The following SLC36A2 variants were observed in gnomAD, a reference collection of about 807,000 sequenced individuals.
The protein encoded by SLC36A2 is proton-coupled amino acid transporter 2.
SLC36A2 carries 39 observed loss-of-function variants against 42.7 expected under a neutral mutation model. The ratio of observed to expected loss-of-function variants is 0.91; its 90% CI spans 0.71 to 1.19. The LOEUF (loss-of-function observed/expected upper bound fraction) is 1.19. Ranked by LOEUF, SLC36A2 falls within the 50% of genes most tolerant of loss-of-function variation. The pLI is 0.00. For synonymous variants in SLC36A2, 237 were observed against 240.8 expected (o/e 0.98, Z 0.15); for missense variants, 590 against 613.7 (o/e 0.96, Z 0.41).
intron 1 of SLC36A2, among the ~76,000 whole-genome samples, chr5:151,346,421 G>T (rs1756498702): frequency 6.6e-6 from 1 of 151,980 alleles, no homozygotes; most frequent in Non-Finnish European, 1.5e-5. Flanking sequence ...CACATCCTCC[G>T]ATTTTGTTTC....
At position 151,316,703 on chromosome 5, in the gene SLC36A2, G is replaced by T; in HGVS notation, c.*114C>A. ...TGTGGTGAGCTGAGATCGCATCATT[G>T]TACTCCAGTCTGGGCAACAAGACAG... On this transcript the variant is annotated 3_prime_UTR_variant, in exon 10 of 10. Transcript: ENST00000335244. 1.6e-6 allele frequency: 2 copies of T among 1,282,190 alleles called. No individual in the cohort carries two copies. The allele number at this position is 1,282,190 out of a possible 1,614,324, so 79.4% of individuals were successfully genotyped here.
At chr5:151,319,170 G>A (rs1172540597) in intron 9 of SLC36A2, 25 of 968,936 alleles carry the variant, frequency 2.6e-5, no homozygotes, top group Non-Finnish European at 2.8e-5. Flanking sequence ...ATTCAGAAAA[G>A]TTATCTTTGC....
Position 151,342,916 on chromosome 5 carries a change from A to G in SLC36A2, c.412T>C (p.Trp138Arg), listed in dbSNP as rs1281861522. 1 of 1,614,164 alleles carries G rather than the reference A, an allele frequency of 6.2e-7. No homozygotes were observed. Among genetic ancestry groups the G allele is most frequent in the Non-Finnish European group, 8.5e-7 (1 of 1,180,006 alleles). The change falls in exon 4 of 10, where the codon TGG becomes CGG. Residue 138 changes from tryptophan (W) to arginine (R), a missense_variant. By Grantham distance (101) the Trp-to-Arg change is moderately radical (BLOSUM62 -3). Transcript: ENST00000335244. ...MHGLEANPNA[W>R]LQNHAHWGRH... ...CCCCAGTGAGCGTGATTCTGGAGCC[A>G]GGCGTTGGGGTTGGCTTCTAGTCCA...
At position 151,343,000 on chromosome 5, in the gene SLC36A2, A is replaced by G. The variant is rs1313625846; in HGVS notation, c.345-17T>C. On this transcript the variant is annotated splice_polypyrimidine_tract_variant and intron_variant, in intron 3 of 9. Transcript: ENST00000335244. ...TTGTTAAGCCTGCAGGAGAGAGTGC[A>G]TAAACGGTTTCCAAGAGATAGTTTA... 1.2e-6 allele frequency: 2 copies of G among 1,602,502 alleles called. No homozygotes were observed. The highest frequency in any genetic ancestry group is 1.7e-5 in the Admixed American group (1 of 59,976).
chr5:151,322,787 A>G (rs1272216212), intron 8 of SLC36A2, among the ~76,000 whole-genome samples: 23 of 152,310 alleles, frequency 1.5e-4, no homozygotes, highest in Non-Finnish European at 5.9e-5. Flanking sequence ...ATATAAGGAG[A>G]AACAGGGGTA....
At chr5:151,334,259 T>C (rs1373701512) in intron 6 of SLC36A2, among the ~76,000 whole-genome samples, 1 of 152,254 alleles carries the variant, frequency 6.6e-6, no homozygotes. Flanking sequence ...AATGTTTGAC[T>C]ATTATTTTTA....
chr5:151,340,161 A>C (rs1210917012), intron 4 of SLC36A2, among the ~76,000 whole-genome samples: 6 of 76,370 alleles, frequency 7.9e-5, no homozygotes, highest in Non-Finnish European at 1.3e-4. Context: ...AGGAGGAGGA[A>C]GAAGAGGAAG....
chr5:151,332,494 T>C, intron 7 of SLC36A2: 1 of 455,460 alleles, frequency 2.2e-6, no homozygotes, highest in South Asian at 1.6e-5. Flanking sequence ...GGTGCGTTGA[T>C]AAGCTGTGGT....
At position 151,315,477 on chromosome 5, in the gene SLC36A2, A is replaced by T. The variant is rs1462116876; in HGVS notation, c.*1340T>A. The stretch of plus-strand genomic sequence containing the variant: ...AACCCCATCTCTACGAAAAACAAAA[A>T]TTAGCCAGGCATAGTGGCAGGCACT... On this transcript the variant is annotated 3_prime_UTR_variant, in exon 10 of 10. Transcript: ENST00000335244. The T allele has an allele frequency of 1.3e-5, 2 of 152,224 alleles. No homozygotes were observed. Among genetic ancestry groups the T allele is most frequent in the Non-Finnish European group, 2.9e-5 (2 of 68,078 alleles). 9.4% of individuals were successfully genotyped at this position (152,224 alleles called of 1,614,324 possible).
chr5:151,340,155 G>A (rs1268664980), intron 4 of SLC36A2, among the ~76,000 whole-genome samples: 1 of 110,056 alleles, frequency 9.1e-6, no homozygotes, highest in African/African-American at 5.8e-5. Flanking sequence ...AGGAGAAGGA[G>A]GAGGAAGAAG....
chr5:151,344,028 A>C (rs1175223030), intron 2 of SLC36A2, 149 bp downstream of exon 2: 1 of 761,184 alleles, frequency 1.3e-6, no homozygotes, highest in African/African-American at 1.7e-5. Flanking sequence ...CCGGAACTCA[A>C]ACCCAGGCTA....
chr5:151,325,364 A>G lies in SLC36A2; in HGVS notation c.932T>C (p.Ile311Thr). 6.2e-7 allele frequency: 1 copy of G among 1,614,146 alleles called. No homozygotes were observed. The highest frequency in any genetic ancestry group is 8.5e-7 in the Non-Finnish European group (1 of 1,179,992). The change falls in exon 8 of 10, where the codon ATT (isoleucine) becomes ACT (threonine). Residue 311 changes from isoleucine (I) to threonine (T), a missense_variant. Coordinates refer to ENST00000335244, the MANE Select transcript of SLC36A2 (RefSeq NM_181776.3). Reference protein sequence around the residue: ...LGMSIVTSLYIGMAALGYLRF... With the variant: ...LGMSIVTSLYTGMAALGYLRF... ...CAGGTAGCCCAGAGCCGCCATGCCA[A>G]TGTATAGGGAAGTGACGATGGACAT... is the stretch of plus-strand genomic sequence containing the variant.
chr5:151,333,100 A>G lies in SLC36A2; in HGVS notation c.843+124T>C, dbSNP rs889726089. On this transcript the variant is annotated intron_variant, in intron 7 of 9. Transcript: ENST00000335244. ...GTAAGGCCAGAGGTTACTTTCTCCC[A>G]TGGGCATTTTCTAGCAGGCCCAAAA... 2.1e-5 allele frequency: 18 copies of G among 866,404 alleles called. No homozygotes were observed. In the African/African-American group the frequency reaches 2.5e-4, roughly 12 times the overall value. 53.7% of individuals were successfully genotyped at this position (866,404 alleles called of 1,614,324 possible).
At chr5:151,319,409 A>G in intron 9 of SLC36A2, 1 of 153,698 alleles carries the variant, frequency 6.5e-6, no homozygotes, top group South Asian at 1.9e-4. Context: ...GAAAAGTGAA[A>G]ATCAACAGCC....
rs1580839309 is a variant in SLC36A2 at position 151,316,890 on chromosome 5, TA to T, written c.1378del (p.Tyr460ThrfsTer38). ...CTTGAGCAGCTCGTCCAGGGCCTGG[TA>T]GGTCCCCACCACAAAGCCCACGAAG... ...LGFVGFVVGT[Y>X]QALDELLKSE... On this transcript the variant is annotated frameshift_variant, in exon 10 of 10. Transcript: ENST00000335244. LOFTEE classifies it low-confidence loss of function (END_TRUNC). 6.2e-7 allele frequency: 1 copy of T among 1,613,912 alleles called. No individual in the cohort carries two copies. Among genetic ancestry groups the T allele is most frequent in the East Asian group, 2.2e-5 (1 of 44,860 alleles).
intron 4 of SLC36A2, among the ~76,000 whole-genome samples, 172 bp downstream of exon 4, chr5:151,342,716 A>T (rs897835267): frequency 2.0e-5 from 3 of 152,212 alleles, no homozygotes; most frequent in Non-Finnish European, 4.4e-5. Flanking sequence ...GTCACTAGAG[A>T]TACACAAGAA....
intron 4 of SLC36A2, among the ~76,000 whole-genome samples, chr5:151,341,200 A>G (rs893036416): frequency 2.0e-5 from 3 of 152,196 alleles, no homozygotes; most frequent in Non-Finnish European, 2.9e-5. Flanking sequence ...TGGAGCAGGG[A>G]AATCTTCTTT....
Position 151,342,964 on chromosome 5 carries a change from C to G in SLC36A2, c.364G>C (p.Asp122His). The G allele has an allele frequency of 6.2e-7, 1 of 1,614,020 alleles. No individual in the cohort carries two copies. Among genetic ancestry groups the G allele is most frequent in the Non-Finnish European group, 8.5e-7 (1 of 1,179,920 alleles). ...FCKRLNKPFM[D>H]YGDTVMHGLE... ...CCATGCATCACCGTGTCCCCATAGT[C>G]CATAAAGGGCTTGTTAAGCCTGCAG... Residue 122 changes from aspartate (D) to histidine (H), a missense_variant, in exon 4 of 10, where the codon GAC becomes CAC. By Grantham distance (81) the Asp-to-His change is moderately conservative. Transcript: ENST00000335244.
Position 151,339,155 on chromosome 5 carries a change from GA to G in SLC36A2, c.441-12del. On this transcript the variant is annotated splice_polypyrimidine_tract_variant and intron_variant, in intron 4 of 9. Coordinates refer to ENST00000335244, the MANE Select transcript of SLC36A2 (RefSeq NM_181776.3). ...AAGCTCACGATATGCCTAGAAGGGA[GA>G]AGAGAGGGAAAAAGAAAACTTGTTA... is the stretch of plus-strand genomic sequence containing the variant. The G allele has an allele frequency of 6.3e-7, 1 of 1,596,140 alleles. No individual in the cohort carries two copies. Among genetic ancestry groups the G allele is most frequent in the Non-Finnish European group, 8.6e-7 (1 of 1,166,012 alleles).
Sources: allele counts gnomAD v4.1 joint callset (sites outside exome capture counted in the v4.1 genomes callset), GRCh38; gene constraint gnomAD v4.1.1; transcripts MANE v1.5; gene names NCBI Gene and HGNC (gene_info 2026-07-23, HGNC 2026-07-21).